The following CALN1 variants were observed in gnomAD, a reference collection of about 807,000 sequenced individuals.
CALN1 encodes calcium-binding protein 8.
CALN1 carries 17 observed loss-of-function variants against 30.6 expected under a neutral mutation model. That is an observed-to-expected ratio of 0.56 (90% CI 0.38 to 0.83). CALN1 has a LOEUF of 0.83. Among genes scored for constraint, CALN1 ranks in the 40% least tolerant of loss-of-function variants. The pLI is 0.00. For synonymous variants in CALN1, 156 were observed against 131.4 expected (o/e 1.19, Z -1.28); for missense variants, 291 against 354.9 (o/e 0.82, Z 1.45).
chr7:72,274,730 C>T (rs535039460), intron 3 of CALN1, among the ~76,000 whole-genome samples: 2 of 152,184 alleles, frequency 1.3e-5, no homozygotes, highest in South Asian at 4.1e-4. Flanking sequence ...TCCTCTACTA[C>T]CTAGAAGGCA....
intron 5 of CALN1, among the ~76,000 whole-genome samples, chr7:71,926,513 T>G (rs1795278568): frequency 6.6e-6 from 1 of 152,202 alleles, no homozygotes; most frequent in Admixed American, 6.5e-5. Flanking sequence ...TCTCTGAGCA[T>G]CTTGGATCTG....
intron 3 of CALN1, among the ~76,000 whole-genome samples, chr7:72,157,297 T>C (rs1373261563): frequency 2.0e-5 from 3 of 152,144 alleles, no homozygotes; most frequent in Non-Finnish European, 4.4e-5. Context: ...ATTCCTGATC[T>C]AGGAAGATAG....
chr7:72,224,402 G>C (rs910937081), intron 3 of CALN1, among the ~76,000 whole-genome samples: 4 of 152,038 alleles, frequency 2.6e-5, no homozygotes, highest in African/African-American at 7.2e-5. Flanking sequence ...GGGTCAAAAA[G>C]GAAACAAGTG....
chr7:72,057,383 C>CTTT (rs60838093), intron 4 of CALN1, among the ~76,000 whole-genome samples: 1,761 of 101,838 alleles, frequency 0.017, 50 homozygotes, highest in African/African-American at 0.031. Flanking sequence ...TTTAAATGTT[C>CTTT]TTTTTTTTTT....
intron 2 of CALN1, among the ~76,000 whole-genome samples, chr7:72,397,610 T>C (rs1174314653): frequency 6.6e-6 from 1 of 152,016 alleles, no homozygotes; most frequent in Non-Finnish European, 1.5e-5. Flanking sequence ...CAGAGATTTT[T>C]ACACAATGGT....
chr7:71,888,568 T>C (rs1190337364), intron 5 of CALN1, among the ~76,000 whole-genome samples: 1 of 151,148 alleles, frequency 6.6e-6, no homozygotes, highest in Non-Finnish European at 1.5e-5. Flanking sequence ...GGCTAAAAAG[T>C]AGTCTTTGAT....
chr7:72,328,633 A>T (rs996388384), intron 2 of CALN1, among the ~76,000 whole-genome samples: 1 of 152,206 alleles, frequency 6.6e-6, no homozygotes, highest in Admixed American at 6.5e-5. Context: ...TGGTAGGGGA[A>T]AGTGTTTTGT....
At chr7:71,975,159 C>T (rs2129526689) in intron 5 of CALN1, among the ~76,000 whole-genome samples, 1 of 152,240 alleles carries the variant, frequency 6.6e-6, no homozygotes, top group African/African-American at 2.4e-5. Flanking sequence ...AGCAAACAAG[C>T]CCAGAGACAG....
intron 5 of CALN1, among the ~76,000 whole-genome samples, chr7:71,985,122 G>C (rs1554403567): frequency 6.6e-6 from 1 of 151,526 alleles, no homozygotes. Flanking sequence ...TGAAAAACCT[G>C]GCAAAGACGA....
At chr7:72,383,607 C>A (rs142203608) in intron 2 of CALN1, among the ~76,000 whole-genome samples, 14 of 152,138 alleles carry the variant, frequency 9.2e-5, no homozygotes, top group African/African-American at 3.4e-4. Flanking sequence ...CAGCAGCTGG[C>A]GCAGATGGTC....
chr7:72,216,141 G>A lies in CALN1; in HGVS notation c.244+62545C>T, dbSNP rs484343. Among the ~76,000 whole-genome samples, 1,499 of 152,220 alleles carry A rather than the reference G, an allele frequency of 9.8e-3. 26 individuals carry two copies. Among genetic ancestry groups the A allele is most frequent in the African/African-American group, 0.035 (1,444 of 41,540 alleles). On this transcript the variant is annotated intron_variant, in intron 3 of 6. Coordinates refer to ENST00000395275, the MANE Select transcript of CALN1 (RefSeq NM_031468.4). ...ACCTTAAATATCACTGGGGCTGGGC[G>A]GGGTAGCTCACATCTATAATCTTAA...
intron 2 of CALN1, among the ~76,000 whole-genome samples, chr7:72,369,354 A>G (rs1196242536): frequency 4.3e-4 from 3 of 7,008 alleles, no homozygotes; most frequent in African/African-American, 6.6e-4. Flanking sequence ...ATAAATATTT[A>G]TTTTTTTGTT....
At chr7:72,404,791 A>G (rs150591027) in intron 1 of CALN1, among the ~76,000 whole-genome samples, 276 of 152,306 alleles carry the variant, frequency 1.8e-3, no homozygotes, top group Middle Eastern at 6.8e-3. Context: ...AGGCTTGAAG[A>G]GCTGTATGTG....
At chr7:72,326,095 G>T (rs900896737) in intron 2 of CALN1, among the ~76,000 whole-genome samples, 4 of 152,190 alleles carry the variant, frequency 2.6e-5, no homozygotes, top group African/African-American at 9.7e-5. Flanking sequence ...TAGAGACGCA[G>T]TTTCACCATG....
intron 5 of CALN1, among the ~76,000 whole-genome samples, chr7:71,947,307 C>T (rs992467293): frequency 1.5e-4 from 23 of 152,046 alleles, no homozygotes; most frequent in African/African-American, 5.1e-4. Flanking sequence ...CACTGCGCCC[C>T]GCCAGTGGGA....
At chr7:72,323,674 A>C (rs1019980992) in intron 2 of CALN1, among the ~76,000 whole-genome samples, 5 of 149,312 alleles carry the variant, frequency 3.3e-5, no homozygotes, top group African/African-American at 1.2e-4. Context: ...AAAAAAAAAA[A>C]TAAAAAATAA....
At chr7:71,971,943 AAAAAAAAAAAAAAGAAAGAAAG>A (rs1797827887) in intron 5 of CALN1, among the ~76,000 whole-genome samples, 6 of 126,644 alleles carry the variant, frequency 4.7e-5, no homozygotes, top group African/African-American at 1.7e-4. Flanking sequence ...AAAAAAAAAA[AAAAAAAAAAAAAAGAAAGAAAG>A]AAAGAAAGAA....
intron 3 of CALN1, among the ~76,000 whole-genome samples, chr7:72,142,277 T>C (rs1264761028): frequency 6.6e-6 from 1 of 152,152 alleles, no homozygotes. Flanking sequence ...CCCACCCTAA[T>C]ACTGTGCTTT....
chr7:72,233,827 AACC>A (rs1322398469), intron 3 of CALN1, among the ~76,000 whole-genome samples: 1 of 151,852 alleles, frequency 6.6e-6, no homozygotes, highest in Non-Finnish European at 1.5e-5. Context: ...AACACAGCAA[AACC>A]ACATTTCTAC....
Sources: gnomAD v4.1 joint callset for allele counts (sites outside exome capture counted in the v4.1 genomes callset) on GRCh38, gnomAD v4.1.1 for gene constraint, MANE v1.5 for transcripts, NCBI Gene and HGNC (gene_info 2026-07-23, HGNC 2026-07-21) for gene names.